Variants in KHDRBS2 observed in about 807,000 individuals in gnomAD.
The protein encoded by KHDRBS2 is KH domain-containing, RNA-binding, signal transduction-associated protein 2.
Under a neutral mutation model 44.3 loss-of-function variants are expected in KHDRBS2, and 26 were observed. That is an observed-to-expected ratio of 0.59 (90% confidence interval 0.43 to 0.81). The LOEUF (loss-of-function observed/expected upper bound fraction) is 0.81. Among genes scored for constraint, KHDRBS2 ranks in the 40% least tolerant of loss-of-function variants. The pLI, the probability that KHDRBS2 is intolerant of heterozygous loss-of-function variation, is 0.00. For synonymous variants in KHDRBS2, 194 were observed against 151.1 expected, an observed-to-expected ratio of 1.28 and a Z score of -2.08; for missense variants, 476 against 433.1, an observed-to-expected ratio of 1.10 and a Z score of -0.88.
the KHDRBS2 span, among the ~76,000 whole-genome samples, chr6:61,572,255 C>T: frequency 6.6e-6 from 1 of 151,920 alleles, no homozygotes; most frequent in East Asian, 1.9e-4. Flanking sequence ...TCCAACTCTC[C>T]TAGATTAAAT....
At chr6:61,627,300 G>A in the KHDRBS2 span, among the ~76,000 whole-genome samples, 1 of 143,374 alleles carries the variant, frequency 7.0e-6, no homozygotes, top group Non-Finnish European at 1.5e-5. Context: ...GCTGGTTTTT[G>A]TCTTTGGTCC....
At chr6:61,678,728 G>A (rs1387857479), downstream of KHDRBS2, among the ~76,000 whole-genome samples, 1 of 151,792 alleles carries the variant, frequency 6.6e-6, no homozygotes, top group Non-Finnish European at 1.5e-5. Flanking sequence ...ATTTCAAAGA[G>A]GACAAAAAAT....
intron 7 of KHDRBS2, among the ~76,000 whole-genome samples, chr6:61,729,199 C>T (rs60446739): frequency 0.055 from 8,374 of 152,018 alleles, 362 homozygotes; most frequent in African/African-American, 0.11. Context: ...GAGCTGGGGG[C>T]CATTATCCTT....
intron 2 of KHDRBS2, among the ~76,000 whole-genome samples, chr6:62,055,635 A>C (rs1236099561): frequency 6.6e-6 from 1 of 152,012 alleles, no homozygotes; most frequent in African/African-American, 2.4e-5. Context: ...CAAGAGCAAA[A>C]ATAGTGGGGA....
intron 3 of KHDRBS2, among the ~76,000 whole-genome samples, chr6:62,026,279 C>G (rs1487413489): frequency 2.6e-5 from 4 of 151,680 alleles, no homozygotes; most frequent in African/African-American, 9.7e-5. Context: ...CCTATTACAC[C>G]TGATCTCTGT....
At chr6:62,244,090 C>CT (rs1339254917) in intron 1 of KHDRBS2, among the ~76,000 whole-genome samples, 1 of 152,086 alleles carries the variant, frequency 6.6e-6, no homozygotes, top group African/African-American at 2.4e-5. Flanking sequence ...ATTGCCTGCT[C>CT]CTGTCATCTG....
intron 1 of KHDRBS2, among the ~76,000 whole-genome samples, chr6:62,208,728 C>A (rs1447719375): frequency 2.0e-5 from 3 of 152,170 alleles, no homozygotes; most frequent in Non-Finnish European, 4.4e-5. Flanking sequence ...TTTATCCACA[C>A]CCTTGCCAAC....
At chr6:62,131,507 G>C (rs529609512) in intron 2 of KHDRBS2, among the ~76,000 whole-genome samples, 55 of 152,314 alleles carry the variant, frequency 3.6e-4, no homozygotes, top group Non-Finnish European at 7.2e-4. Flanking sequence ...CGAGGGAGCC[G>C]AGGTTAGCGG....
At chr6:61,990,083 T>C (rs1230059974) in intron 3 of KHDRBS2, among the ~76,000 whole-genome samples, 1 of 152,224 alleles carries the variant, frequency 6.6e-6, no homozygotes, top group Non-Finnish European at 1.5e-5. Flanking sequence ...TTCATTTTCT[T>C]ATTTTACTTC....
At chr6:62,031,925 G>T (rs1784404798) in intron 3 of KHDRBS2, among the ~76,000 whole-genome samples, 1 of 152,016 alleles carries the variant, frequency 6.6e-6, no homozygotes, top group Admixed American at 6.6e-5. Flanking sequence ...AAGGCCATAG[G>T]CAAGATCTAG....
At chr6:62,255,872 C>A (rs1054560498) in intron 1 of KHDRBS2, among the ~76,000 whole-genome samples, 19 of 151,930 alleles carry the variant, frequency 1.3e-4, no homozygotes, top group African/African-American at 4.4e-4. Context: ...TGGCTCACAC[C>A]TGTAATCCCA....
chr6:61,719,316 C>T (rs560876847), intron 7 of KHDRBS2, among the ~76,000 whole-genome samples: 8 of 151,756 alleles, frequency 5.3e-5, no homozygotes. Context: ...ATGAAAACCA[C>T]TTTTTTTCTA....
At chr6:61,823,165 A>G (rs1197301691) in intron 6 of KHDRBS2, among the ~76,000 whole-genome samples, 1 of 152,012 alleles carries the variant, frequency 6.6e-6, no homozygotes, top group Non-Finnish European at 1.5e-5. Context: ...AGGGGCCATG[A>G]GAATGCTTTA....
At chr6:62,235,457 A>G (rs1833561172) in intron 1 of KHDRBS2, among the ~76,000 whole-genome samples, 1 of 152,008 alleles carries the variant, frequency 6.6e-6, no homozygotes, top group Non-Finnish European at 1.5e-5. Context: ...TCCTGAGTTT[A>G]ATTATTACAG....
rs377361759 is a variant in KHDRBS2 at position 62,209,254 on chromosome 6, ATC to A, written c.92-31944_92-31943del. On this transcript the variant is annotated intron_variant, in intron 1 of 8. Transcript: ENST00000281156. The stretch of plus-strand genomic sequence containing the variant: ...GAAAAATAGAAACATACTTTTCAAT[ATC>A]TCTTTCCCCTACCACTCCTCTTTTG... Among the ~76,000 whole-genome samples, 273 of 152,344 alleles carry A rather than the reference ATC, an allele frequency of 1.8e-3. 2 individuals carry two copies. In the Middle Eastern group the frequency reaches 0.054, roughly 30 times the overall value.
intron 4 of KHDRBS2, among the ~76,000 whole-genome samples, chr6:61,937,662 C>A (rs144824005): frequency 6.6e-6 from 1 of 151,986 alleles, no homozygotes; most frequent in South Asian, 2.1e-4. Context: ...TACAGCCTTG[C>A]GCCAGCAGGC....
chr6:62,131,765 G>A (rs145366388), intron 2 of KHDRBS2, among the ~76,000 whole-genome samples: 233 of 152,296 alleles, frequency 1.5e-3, no homozygotes, highest in African/African-American at 5.5e-3. Context: ...CAGAAAACAG[G>A]GAGAAGACAA....
At chr6:62,025,862 C>T (rs1251986839) in intron 3 of KHDRBS2, among the ~76,000 whole-genome samples, 1 of 152,036 alleles carries the variant, frequency 6.6e-6, no homozygotes, top group Non-Finnish European at 1.5e-5. Flanking sequence ...ATTCCTTCTC[C>T]TTTAGACATA....
intron 3 of KHDRBS2, among the ~76,000 whole-genome samples, chr6:62,044,392 C>T (rs1787211620): frequency 6.6e-6 from 1 of 151,896 alleles, no homozygotes; most frequent in Non-Finnish European, 1.5e-5. Flanking sequence ...GGAAATATCA[C>T]TCGAGCCCTG....
Sources: gnomAD v4.1 joint callset for allele counts (sites outside exome capture counted in the v4.1 genomes callset) on GRCh38, gnomAD v4.1.1 for gene constraint, MANE v1.5 for transcripts, NCBI Gene and HGNC (gene_info 2026-07-23, HGNC 2026-07-21) for gene names.